The following SHANK2 variants were observed in gnomAD, a reference collection of about 807,000 sequenced individuals.
The protein encoded by SHANK2 is SH3 and multiple ankyrin repeat domains protein 2.
In SHANK2, 43 loss-of-function variants were observed where a neutral mutation model predicts 133.7. That is an observed-to-expected ratio of 0.32 (90% confidence interval 0.25 to 0.41). SHANK2 has a LOEUF of 0.41. Ranked by LOEUF, SHANK2 falls within the 10% of genes least tolerant of loss-of-function variation. SHANK2 has a pLI of 1.00. For missense variants in SHANK2, 1,994 were observed against 2,235.8 expected (o/e 0.89, Z 2.18); for synonymous variants, 1,017 against 952.8 (o/e 1.07, Z -1.24).
At chr11:71,106,419 T>C (rs1260811750) in intron 6 of SHANK2, among the ~76,000 whole-genome samples, 2 of 151,964 alleles carry the variant, frequency 1.3e-5, no homozygotes, top group African/African-American at 2.4e-5. Context: ...CTGGGTCACA[T>C]AGGGAGACCC....
intron 1 of SHANK2, among the ~76,000 whole-genome samples, chr11:71,230,693 A>C (rs1051448803): frequency 6.6e-6 from 1 of 152,246 alleles, no homozygotes; most frequent in Non-Finnish European, 1.5e-5. Flanking sequence ...CAGTATAGTA[A>C]TCAAAGCTGT....
chr11:70,807,417 G>A lies in SHANK2; in HGVS notation c.1494-246C>T, dbSNP rs1384891220. On this transcript the variant is annotated intron_variant, in intron 12 of 25. Coordinates refer to ENST00000601538, the MANE Select transcript of SHANK2 (RefSeq NM_012309.5). The surrounding 1 kb of genome is among the most constrained non-coding windows in gnomAD (Gnocchi z 4.8). Reference sequence around the variant, plus strand: ...ACAGAAAGCTGCCACTCGGGGAGACGTCTGCACACCTGCGTTCACAGTGGC... The same window carrying A: ...ACAGAAAGCTGCCACTCGGGGAGACATCTGCACACCTGCGTTCACAGTGGC... Among the ~76,000 whole-genome samples, 6 of 152,210 alleles carry A rather than the reference G, an allele frequency of 3.9e-5. No individual in the cohort carries two copies. Among genetic ancestry groups the A allele is most frequent in the African/African-American group, 1.4e-4 (6 of 41,458 alleles).
chr11:70,923,597 G>A (rs531502912), intron 10 of SHANK2, among the ~76,000 whole-genome samples: 2 of 152,292 alleles, frequency 1.3e-5, no homozygotes, highest in South Asian at 2.1e-4. Context: ...AGGCTGGAGT[G>A]CAGTGGCGTG....
At chr11:70,686,282 C>A (rs1945151145) in intron 15 of SHANK2, among the ~76,000 whole-genome samples, 1 of 136,196 alleles carries the variant, frequency 7.3e-6, no homozygotes, top group African/African-American at 2.8e-5. Flanking sequence ...CCCTATCTAT[C>A]CAGCCATCCA....
At chr11:71,108,822 G>A (rs1429277875) in intron 6 of SHANK2, among the ~76,000 whole-genome samples, 1 of 152,186 alleles carries the variant, frequency 6.6e-6, no homozygotes, top group African/African-American at 2.4e-5. Context: ...GCCCGTGCCG[G>A]CTTCTCCTGC....
intron 8 of SHANK2, among the ~76,000 whole-genome samples, chr11:71,079,832 A>AGGGG: frequency 1.9e-5 from 2 of 107,368 alleles, no homozygotes; most frequent in African/African-American, 3.4e-5. Context: ...AGGGAAAGGG[A>AGGGG]AAGGGAGGGG....
chr11:71,113,755 G>A (rs1035298657), intron 4 of SHANK2, among the ~76,000 whole-genome samples: 1 of 152,138 alleles, frequency 6.6e-6, no homozygotes, highest in Non-Finnish European at 1.5e-5. Context: ...TCAAACACCA[G>A]GTTTTTCTCC....
At chr11:70,700,676 C>A (rs904691249) in intron 14 of SHANK2, among the ~76,000 whole-genome samples, 24 of 152,304 alleles carry the variant, frequency 1.6e-4, no homozygotes, top group African/African-American at 4.1e-4. Context: ...CAATTCCAAT[C>A]ATCATTTATG....
At chr11:71,115,833 T>A (rs1951968169) in intron 4 of SHANK2, among the ~76,000 whole-genome samples, 2 of 152,224 alleles carry the variant, frequency 1.3e-5, no homozygotes, top group African/African-American at 4.8e-5. Flanking sequence ...TTACTCTTCC[T>A]GGTCCATCAC....
chr11:70,611,560 G>A (rs537988021), intron 17 of SHANK2, among the ~76,000 whole-genome samples: 58 of 152,352 alleles, frequency 3.8e-4, no homozygotes, highest in Non-Finnish European at 7.5e-4. Context: ...AGAGTGACAT[G>A]GGACAGAAAC....
intron 14 of SHANK2, among the ~76,000 whole-genome samples, chr11:70,758,888 C>T (rs925134341): frequency 4.6e-5 from 7 of 152,194 alleles, no homozygotes; most frequent in South Asian, 2.1e-4. Context: ...TGGCCGGGCG[C>T]GGTGGCTCAC....
intron 17 of SHANK2, among the ~76,000 whole-genome samples, chr11:70,593,386 C>T (rs144661453): frequency 1.3e-5 from 2 of 152,182 alleles, no homozygotes; most frequent in Non-Finnish European, 2.9e-5. Context: ...TATTCTGGGG[C>T]TGTGAAATGT....
intron 2 of SHANK2, among the ~76,000 whole-genome samples, chr11:71,199,370 G>T (rs1364019531): frequency 6.6e-6 from 1 of 152,226 alleles, no homozygotes; most frequent in Non-Finnish European, 1.5e-5. Context: ...GGCAGCCAGG[G>T]TTTGCTCCAG....
At chr11:70,536,234 C>G (rs375741664) in intron 17 of SHANK2, among the ~76,000 whole-genome samples, 1 of 152,222 alleles carries the variant, frequency 6.6e-6, no homozygotes, top group Admixed American at 6.5e-5. Flanking sequence ...GCGGAGCTCA[C>G]AGTGCCAGGG....
chr11:70,688,284 C>T (rs1285564076), intron 15 of SHANK2, among the ~76,000 whole-genome samples: 2 of 152,196 alleles, frequency 1.3e-5, no homozygotes, highest in Non-Finnish European at 2.9e-5. Flanking sequence ...TCTGAGCGTA[C>T]CTCCAGCCAG....
chr11:70,632,519 G>A (rs1210827536), intron 17 of SHANK2, among the ~76,000 whole-genome samples: 1 of 152,092 alleles, frequency 6.6e-6, no homozygotes, highest in East Asian at 1.9e-4. Context: ...TTCAACCAGA[G>A]GCTCCTTTCT....
intron 2 of SHANK2, among the ~76,000 whole-genome samples, chr11:71,216,684 T>C (rs1172621671): frequency 6.6e-6 from 1 of 152,166 alleles, no homozygotes; most frequent in African/African-American, 2.4e-5. Context: ...GAAAACTTTT[T>C]ATCACCAAGT....
At chr11:70,829,404 T>C (rs931876170) in intron 11 of SHANK2, among the ~76,000 whole-genome samples, 86 of 152,166 alleles carry the variant, frequency 5.7e-4, no homozygotes, top group Middle Eastern at 3.4e-3. Flanking sequence ...AGGGGTTCCA[T>C]GAACCCTGGG....
intron 9 of SHANK2, among the ~76,000 whole-genome samples, chr11:71,058,699 A>G (rs1950950662): frequency 6.6e-6 from 1 of 152,222 alleles, no homozygotes; most frequent in Non-Finnish European, 1.5e-5. Context: ...CCTTACCTAC[A>G]GTCTAGTGTA....
Sources: allele counts gnomAD v4.1 joint callset (sites outside exome capture counted in the v4.1 genomes callset), GRCh38; gene constraint gnomAD v4.1.1; non-coding constraint Gnocchi (gnomAD v3.1); transcripts MANE v1.5; gene names NCBI Gene and HGNC (gene_info 2026-07-23, HGNC 2026-07-21).